Variants in SASH1 observed in about 807,000 individuals in gnomAD.
SASH1 encodes the protein SAM and SH3 domain containing 1.
In SASH1, 44 loss-of-function variants were observed where a neutral mutation model predicts 125.2. The observed-to-expected ratio is 0.35, with a 90% CI of 0.28 to 0.45. SASH1 has a LOEUF of 0.45. Among genes scored for constraint, SASH1 ranks in the 20% least tolerant of loss-of-function variants. SASH1 has a pLI of 1.00. For missense variants in SASH1, 1,426 were observed against 1,614.5 expected, an observed-to-expected ratio of 0.88 and a Z score of 2.00; for synonymous variants, 639 against 649.1, an observed-to-expected ratio of 0.98 and a Z score of 0.24.
chr6:148,401,512 G>A (rs1268302307), intron 2 of SASH1, among the ~76,000 whole-genome samples: 1 of 152,080 alleles, frequency 6.6e-6, no homozygotes, highest in East Asian at 1.9e-4. Context: ...ACTCTAGAAT[G>A]GTATTAAGAA....
chr6:148,428,362 C>T (rs2114968173), intron 2 of SASH1, among the ~76,000 whole-genome samples: 1 of 152,312 alleles, frequency 6.6e-6, no homozygotes, highest in African/African-American at 2.4e-5. Flanking sequence ...GGTGCGGTGG[C>T]TCATGCCTGT....
chr6:148,387,630 T>TCTCTCTCTCTCTCTCTCTC (rs1562371321), intron 1 of SASH1, among the ~76,000 whole-genome samples: 2 of 47,626 alleles, frequency 4.2e-5, no homozygotes. Flanking sequence ...CTTTCTTTCT[T>TCTCTCTCTCTCTCTCTCTC]TCTTTCTTTC....
Position 148,349,252 on chromosome 6 carries a change from CTTTTTTTTTTTTTTTTT to C in SASH1, c.156+6042_156+6058del, listed in dbSNP as rs11317386. ...TTATTTCATTCTTTCTTCTTTCTTTCTTTTTTTTTTTTTTTTTTTTTTTTTTTTTGAGTGAGTCAAAC... is the reference window on the plus strand; with the variant it reads ...TTATTTCATTCTTTCTTCTTTCTTTCTTTTTTTTTTTTGAGTGAGTCAAAC... On this transcript the variant is annotated intron_variant, in intron 1 of 19. Coordinates refer to ENST00000367467, the MANE Select transcript of SASH1 (RefSeq NM_015278.5). 4.0e-3 allele frequency among the ~76,000 whole-genome samples: 186 copies of C among 47,064 alleles called. 2 individuals are homozygous for C. The highest frequency in any genetic ancestry group is 0.015 in the African/African-American group (177 of 11,768). 30.9% of individuals were successfully genotyped at this position (47,064 alleles called of 152,430 possible). A position where few individuals can be genotyped will look rare whatever the true frequency, so the allele number is the denominator to read the frequency against.
intron 7 of SASH1, among the ~76,000 whole-genome samples, chr6:148,481,922 T>G (rs1554262992): frequency 6.6e-6 from 1 of 152,124 alleles, no homozygotes; most frequent in Non-Finnish European, 1.5e-5. Flanking sequence ...AACCTTCAGT[T>G]TGTAAAATGC....
chr6:148,323,499 A>G (rs1400528056), intron 1 of SASH1, among the ~76,000 whole-genome samples: 1 of 152,108 alleles, frequency 6.6e-6, no homozygotes, highest in Admixed American at 6.6e-5. Flanking sequence ...TCAAATACAT[A>G]TGAATCTCTA....
intron 1 of SASH1, among the ~76,000 whole-genome samples, chr6:148,334,145 C>T (rs1299379899): frequency 3.2e-3 from 2 of 626 alleles, no homozygotes; most frequent in East Asian, 0.031. Context: ...AATAGCAGGC[C>T]GGGCGCGGCT....
intron 2 of SASH1, among the ~76,000 whole-genome samples, chr6:148,421,165 G>C (rs1296978441): frequency 4.3e-5 from 5 of 116,740 alleles, no homozygotes; most frequent in African/African-American, 6.4e-5. Context: ...AAGAAAGAAA[G>C]AAAGAAAGAA....
Position 148,390,190 on chromosome 6 carries a change from C to T in SASH1, c.213C>T (p.Asn71=). ...CGCAGCAGTATGCAGATTATTACAA[C>T]ACCTGTTTCTCCGACGTGTGCGAGA... The part of the protein sequence containing the change: ...DLAQQYADYY[N]TCFSDVCERM... The change falls in exon 2 of 20, where the codon AAC becomes AAT. Residue 71 remains asparagine, a synonymous_variant. Coordinates refer to ENST00000367467, the MANE Select transcript of SASH1 (RefSeq NM_015278.5). 1.9e-6 allele frequency: 3 copies of T among 1,613,716 alleles called. No homozygotes were observed. Among genetic ancestry groups the T allele is most frequent in the Non-Finnish European group, 1.7e-6 (2 of 1,179,900 alleles).
chr6:148,508,420 G>A (rs538769192), intron 8 of SASH1: 19 of 975,682 alleles, frequency 1.9e-5, no homozygotes, highest in African/African-American at 1.8e-4. Context: ...AGATTCTCGC[G>A]TTCTTTTTTC....
chr6:148,231,345 T>C, the SASH1 span, among the ~76,000 whole-genome samples: 2 of 152,212 alleles, frequency 1.3e-5, no homozygotes, highest in African/African-American at 4.8e-5. Flanking sequence ...ATGTCTCCTC[T>C]TATGCCAGTT....
intron 1 of SASH1, among the ~76,000 whole-genome samples, chr6:148,310,994 G>T (rs1051029448): frequency 6.6e-6 from 1 of 152,056 alleles, no homozygotes; most frequent in East Asian, 1.9e-4. Context: ...GCCCAGGCTG[G>T]TCTCAAACTC....
intron 4 of SASH1, among the ~76,000 whole-genome samples, chr6:148,449,078 C>CTTTTTCTTTTTTTTTTTCTTTTTTTT: frequency 6.8e-4 from 60 of 88,694 alleles, no homozygotes; most frequent in South Asian, 1.1e-3. Context: ...CATTTCATTT[C>CTTTTTCTTTTTTTTTTTCTTTTTTTT]TTTTTTTTTT....
At position 148,283,061 on chromosome 6, in the gene SASH1, ACTCCC is replaced by A. The variant is rs1339844878; in HGVS notation, n.74+10685_74+10689del. Among the ~76,000 whole-genome samples the A allele has an allele frequency of 8.6e-5, 13 of 152,044 alleles. 1 individual carries two copies. The highest frequency in any genetic ancestry group is 3.1e-4 in the African/African-American group (13 of 41,404). On this transcript the variant is annotated intron_variant and non_coding_transcript_variant, in intron 1 of 3. Transcript: ENST00000367469. Reference sequence around the variant, plus strand: ...AACTGCTTCCCAATTTCATCTGGGGACTCCCTGCCAGAAAGCTTAGAATGTGCTTG... The same window carrying A: ...AACTGCTTCCCAATTTCATCTGGGGATGCCAGAAAGCTTAGAATGTGCTTG...
At chr6:148,324,129 A>AAAAAAAAAAAAC (rs1312917946) in intron 1 of SASH1, among the ~76,000 whole-genome samples, 1 of 149,956 alleles carries the variant, frequency 6.7e-6, no homozygotes, top group Admixed American at 6.7e-5. Context: ...AAAAAAAAAA[A>AAAAAAAAAAAAC]AAAAAAACAA....
At chr6:148,321,032 C>T (rs1194338891) in intron 1 of SASH1, among the ~76,000 whole-genome samples, 1 of 152,194 alleles carries the variant, frequency 6.6e-6, no homozygotes, top group Non-Finnish European at 1.5e-5. Context: ...GCACCTTGTG[C>T]GTTCCTTTAT....
At position 148,487,090 on chromosome 6, in the gene SASH1, T is replaced by TACACACACACAC. The variant is rs1448530373; in HGVS notation, c.628-523_628-522insCACACACACACA. Among the ~76,000 whole-genome samples the TACACACACACAC allele has an allele frequency of 4.0e-4, 40 of 100,706 alleles. 1 individual carries two copies. Among genetic ancestry groups the TACACACACACAC allele is most frequent in the African/African-American group, 1.6e-3 (39 of 24,878 alleles). 66.1% of individuals were successfully genotyped at this position (100,706 alleles called of 152,430 possible). On this transcript the variant is annotated intron_variant, in intron 7 of 19. Transcript: ENST00000367467. ...CAAATATATATATATAACACATATA[T>TACACACACACAC]ATACACACACACACACACACACATA...
chr6:148,302,341 A>AAAAAAAAAAAAAAAAAAAAT lies in SASH1; in HGVS notation n.74+29964_74+29965insAAAAAAAAAAAAAAAAAAAT, dbSNP rs34513109. 2.0e-4 allele frequency among the ~76,000 whole-genome samples: 21 copies of AAAAAAAAAAAAAAAAAAAAT among 104,442 alleles called. 5 individuals are homozygous for AAAAAAAAAAAAAAAAAAAAT. Among genetic ancestry groups the AAAAAAAAAAAAAAAAAAAAT allele is most frequent in the East Asian group, 1.6e-3 (4 of 2,566 alleles). The allele number at this position is 104,442 out of a possible 152,430, so 68.5% of individuals were successfully genotyped here. A position where few individuals can be genotyped will look rare whatever the true frequency, so the allele number is the denominator to read the frequency against. On this transcript the variant is annotated intron_variant and non_coding_transcript_variant, in intron 1 of 3. Coordinates refer to the SASH1 transcript ENST00000367469. ...AAAAAAAAAAAAAAAAAAAAAAAAA[A>AAAAAAAAAAAAAAAAAAAAT]CTAGTAATATTATGACCTTGGTTAA... is the stretch of plus-strand genomic sequence containing the variant.
At chr6:148,339,457 T>C (rs895273762), upstream of SASH1, among the ~76,000 whole-genome samples, 2 of 151,906 alleles carry the variant, frequency 1.3e-5, no homozygotes, top group Admixed American at 1.3e-4. Flanking sequence ...CTAGAATAGG[T>C]TGATTTCTAT....
chr6:148,232,474 A>C, the SASH1 span, among the ~76,000 whole-genome samples: 1 of 152,228 alleles, frequency 6.6e-6, no homozygotes, highest in Non-Finnish European at 1.5e-5. Flanking sequence ...TCTAGGGAAC[A>C]GAAGTAAGAT....
Sources: gnomAD v4.1 joint callset for allele counts (sites outside exome capture counted in the v4.1 genomes callset) on GRCh38, gnomAD v4.1.1 for gene constraint, MANE v1.5 for transcripts, NCBI Gene and HGNC (gene_info 2026-07-23, HGNC 2026-07-21) for gene names.